PPHLN1: variants seen among roughly 807,000 people sequenced by gnomAD.
PPHLN1 encodes periphilin-1.
PPHLN1 carries 29 observed loss-of-function variants against 51.3 expected under a neutral mutation model. The ratio of observed to expected loss-of-function variants is 0.57; its 90% confidence interval spans 0.42 to 0.77. The LOEUF is 0.77. Ranked by LOEUF, PPHLN1 falls within the 30% of genes least tolerant of loss-of-function variation. The probability of loss-of-function intolerance (pLI) is 0.00; values close to 1 mark genes in which losing one functional copy is unlikely to be tolerated. For missense variants in PPHLN1, 436 were observed against 438.4 expected (o/e 0.99, Z 0.05); for synonymous variants, 147 against 147.8 (o/e 0.99, Z 0.04).
At chr12:42,403,149 A>G (rs560446324) in intron 9 of PPHLN1, among the ~76,000 whole-genome samples, 1 of 152,220 alleles carries the variant, frequency 6.6e-6, no homozygotes, top group African/African-American at 2.4e-5. Flanking sequence ...GTAACCTTAC[A>G]TAATAGAAAC....
At chr12:42,371,619 CTAAATCTA>C (rs1476597641) in intron 4 of PPHLN1, among the ~76,000 whole-genome samples, 2 of 152,204 alleles carry the variant, frequency 1.3e-5, no homozygotes, top group Non-Finnish European at 2.9e-5. Flanking sequence ...TTCCCACCAT[CTAAATCTA>C]TGCTGTCCAA....
intron 2 of PPHLN1, among the ~76,000 whole-genome samples, chr12:42,346,803 A>G (rs910816524): frequency 2.6e-5 from 4 of 151,996 alleles, no homozygotes; most frequent in Non-Finnish European, 4.4e-5. Flanking sequence ...GTGTGAGGGG[A>G]TATCTCATAG....
intron 4 of PPHLN1, among the ~76,000 whole-genome samples, chr12:42,366,289 G>A (rs998730976): frequency 7.0e-6 from 1 of 143,106 alleles, no homozygotes; most frequent in Non-Finnish European, 1.5e-5. Context: ...GTGCAGTGGT[G>A]CGATCTCGGC....
intron 7 of PPHLN1, among the ~76,000 whole-genome samples, chr12:42,389,135 G>T (rs2077450852): frequency 6.6e-6 from 1 of 152,086 alleles, no homozygotes; most frequent in South Asian, 2.1e-4. Context: ...CACTTTGGGA[G>T]GCCGAGGCAG....
intron 9 of PPHLN1, among the ~76,000 whole-genome samples, chr12:42,439,804 C>T (rs1439445589): frequency 1.3e-5 from 2 of 152,178 alleles, no homozygotes; most frequent in Non-Finnish European, 2.9e-5. Flanking sequence ...GGATTACAGG[C>T]GTGAGCCACC....
At chr12:42,354,234 T>A (rs1216717053) in intron 3 of PPHLN1, among the ~76,000 whole-genome samples, 1 of 152,228 alleles carries the variant, frequency 6.6e-6, no homozygotes, top group East Asian at 1.9e-4. Context: ...TTATTTATTT[T>A]TTGAGACAGA....
intron 9 of PPHLN1, among the ~76,000 whole-genome samples, chr12:42,439,665 A>G (rs966180459): frequency 6.6e-6 from 1 of 152,104 alleles, no homozygotes; most frequent in African/African-American, 2.4e-5. Context: ...AGACAGTGCC[A>G]TCATGCCCAG....
At chr12:42,326,452 A>G (rs2068785028) in intron 1 of PPHLN1, among the ~76,000 whole-genome samples, 1 of 152,200 alleles carries the variant, frequency 6.6e-6, no homozygotes, top group Admixed American at 6.5e-5. Flanking sequence ...TAGCGCCTTA[A>G]TATGCAAGAA....
At chr12:42,360,458 C>CTTTTTTTTTTTTTTTTTTTTT (rs71084642) in intron 4 of PPHLN1, among the ~76,000 whole-genome samples, 8 of 56,290 alleles carry the variant, frequency 1.4e-4, no homozygotes, top group Non-Finnish European at 2.2e-4. Flanking sequence ...ATGCTGAATT[C>CTTTTTTTTTTTTTTTTTTTTT]TTTTTTTTTT....
chr12:42,432,974 G>A (rs2082170266), intron 9 of PPHLN1: 8 of 1,461,514 alleles, frequency 5.5e-6, no homozygotes, highest in African/African-American at 1.4e-5. Flanking sequence ...TGCTCCTACT[G>A]CTTTCTTAAA....
intron 2 of PPHLN1, among the ~76,000 whole-genome samples, chr12:42,336,895 T>C (rs1356676269): frequency 6.6e-6 from 1 of 152,226 alleles, no homozygotes; most frequent in Non-Finnish European, 1.5e-5. Context: ...TTTTTACTTA[T>C]GTAACATTTA....
downstream of PPHLN1, chr12:42,442,542 GC>G: frequency 1.3e-6 from 2 of 1,516,842 alleles, no homozygotes; most frequent in East Asian, 2.3e-5. Flanking sequence ...TATCAGGACT[GC>G]ACTCTCTTTT....
chr12:42,335,512 G>C (rs975099356), intron 1 of PPHLN1, among the ~76,000 whole-genome samples: 2 of 152,000 alleles, frequency 1.3e-5, no homozygotes, highest in Non-Finnish European at 2.9e-5. Context: ...TAACTTTGCC[G>C]ATCAGCCATT....
At chr12:42,370,437 G>A (rs2075698278) in intron 4 of PPHLN1, among the ~76,000 whole-genome samples, 1 of 152,104 alleles carries the variant, frequency 6.6e-6, no homozygotes, top group Non-Finnish European at 1.5e-5. Flanking sequence ...TGAGACAAAG[G>A]CCTTTTGATG....
downstream of PPHLN1, chr12:42,448,380 T>C (rs1226220261): frequency 6.7e-6 from 1 of 149,908 alleles, no homozygotes; most frequent in Non-Finnish European, 1.5e-5. Context: ...TTTTTTTGCC[T>C]CTTAAAGTCT....
intron 9 of PPHLN1, among the ~76,000 whole-genome samples, chr12:42,402,194 G>A (rs2078906401): frequency 6.6e-6 from 1 of 152,162 alleles, no homozygotes; most frequent in South Asian, 2.1e-4. Flanking sequence ...CTTGGGGAAA[G>A]GGATTGATTA....
chr12:42,349,813 A>G (rs1438947517), intron 2 of PPHLN1, among the ~76,000 whole-genome samples: 2 of 152,216 alleles, frequency 1.3e-5, no homozygotes, highest in Non-Finnish European at 2.9e-5. Context: ...TTCTTTCTAC[A>G]CAGACACAGT....
chr12:42,362,795 C>T (rs1246460329), intron 4 of PPHLN1, among the ~76,000 whole-genome samples: 1 of 152,188 alleles, frequency 6.6e-6, no homozygotes, highest in Admixed American at 6.5e-5. Flanking sequence ...GACAGTCCTC[C>T]ATGGGTGTCT....
Position 42,375,040 on chromosome 12 carries a change from C to A in PPHLN1, c.477C>A (p.Ser159Arg). 1 of 1,612,962 alleles carries A rather than the reference C, an allele frequency of 6.2e-7. No individual in the cohort carries two copies. The highest frequency in any genetic ancestry group is 8.5e-7 in the Non-Finnish European group (1 of 1,179,296). ...VSSRSYSPERSKSYSFHQSQH... is the reference protein window; with the variant it reads ...VSSRSYSPERRKSYSFHQSQH... ...GCAGAAGCTACTCTCCAGAAAGGAG[C>A]AAATCATACTCTTTCCATCAGTCTC... Residue 159 changes from serine to arginine, a missense_variant, in exon 5 of 10, where the codon AGC becomes AGA. Physicochemically the swap from Ser to Arg is moderately radical, Grantham distance 110 (BLOSUM62 -1). Coordinates refer to ENST00000358314, the MANE Select transcript of PPHLN1 (RefSeq NM_201439.2).
Sources: gnomAD v4.1 joint callset for allele counts (sites outside exome capture counted in the v4.1 genomes callset) on GRCh38, gnomAD v4.1.1 for gene constraint, MANE v1.5 for transcripts, NCBI Gene and HGNC (gene_info 2026-07-23, HGNC 2026-07-21) for gene names.